Variants in CNOT4 observed in about 807,000 individuals in gnomAD.
The protein encoded by CNOT4 is CCR4-NOT transcription complex subunit 4.
In CNOT4, 8 loss-of-function variants were observed where a neutral mutation model predicts 73.8. That is an observed-to-expected ratio of 0.11 (90% confidence interval 0.06 to 0.20). CNOT4 has a LOEUF of 0.20. CNOT4 is among the 10% of genes least tolerant of loss of function. The pLI is 1.00. For synonymous variants in CNOT4, 293 were observed against 321.1 expected, an observed-to-expected ratio of 0.91 and a Z score of 0.94; for missense variants, 564 against 883.4, an observed-to-expected ratio of 0.64 and a Z score of 4.58.
chr7:135,365,678 A>G (rs1794874798), intron 10 of CNOT4, among the ~76,000 whole-genome samples: 1 of 152,216 alleles, frequency 6.6e-6, no homozygotes, highest in African/African-American at 2.4e-5. Flanking sequence ...CAAATATTAA[A>G]GGGAAAGCCC....
intron 5 of CNOT4, among the ~76,000 whole-genome samples, chr7:135,414,096 C>T (rs575626979): frequency 4.6e-5 from 7 of 151,826 alleles, no homozygotes; most frequent in South Asian, 2.1e-4. Context: ...TGTAAAAATG[C>T]GATATTTTAA....
chr7:135,431,145 G>C (rs1798808743), intron 2 of CNOT4, among the ~76,000 whole-genome samples: 1 of 152,096 alleles, frequency 6.6e-6, no homozygotes. Context: ...CATGCCTATA[G>C]TCCCACCTAT....
At chr7:135,426,615 A>AAG (rs1798517762) in intron 2 of CNOT4, among the ~76,000 whole-genome samples, 1 of 150,838 alleles carries the variant, frequency 6.6e-6, no homozygotes, top group Admixed American at 6.6e-5. Flanking sequence ...AAAAAAAAAA[A>AAG]AAAGAAAGAA....
At chr7:135,389,746 CAAT>C (rs1490708208) in intron 10 of CNOT4, among the ~76,000 whole-genome samples, 1 of 151,996 alleles carries the variant, frequency 6.6e-6, no homozygotes, top group Non-Finnish European at 1.5e-5. Flanking sequence ...CTTGAAACAA[CAAT>C]GCTTACTGAC....
chr7:135,364,177 T>A lies in CNOT4; in HGVS notation c.1628-111A>T, dbSNP rs1454233919. On this transcript the variant is annotated intron_variant, in intron 10 of 11. Transcript: ENST00000541284. The surrounding 1 kb of genome is among the most constrained non-coding windows in gnomAD (Gnocchi z 4.3). Reference sequence around the variant, plus strand: ...CGGGAGAAGAATTATTCTTTCTTTATTGAGCATTTAAAATGGGTTGTCCTA... The same window carrying A: ...CGGGAGAAGAATTATTCTTTCTTTAATGAGCATTTAAAATGGGTTGTCCTA... 1 of 868,460 alleles carries A rather than the reference T, an allele frequency of 1.2e-6. No individual in the cohort carries two copies. The highest frequency in any genetic ancestry group is 1.7e-5 in the African/African-American group (1 of 59,378). The allele number at this position is 868,460 out of a possible 1,614,324, so 53.8% of individuals were successfully genotyped here.
At chr7:135,509,026 G>C (rs1563091202) in intron 1 of CNOT4, 1 of 152,176 alleles carries the variant, frequency 6.6e-6, no homozygotes, top group Non-Finnish European at 1.5e-5. Context: ...CTCCGGAGTA[G>C]CCTGAATAAA....
intron 1 of CNOT4, among the ~76,000 whole-genome samples, chr7:135,444,140 C>CAAA (rs932168437): frequency 9.4e-5 from 13 of 137,604 alleles, no homozygotes; most frequent in African/African-American, 1.6e-4. Context: ...AACCCTGTTT[C>CAAA]AAAAAATAAT....
rs150421620 is a variant in CNOT4, at chr7:135,453,987, T to C, written c.-92-15564A>G. 8.4e-3 allele frequency among the ~76,000 whole-genome samples: 1,131 copies of C among 133,990 alleles called. 17 individuals carry two copies. The highest frequency in any genetic ancestry group is 0.03 in the African/African-American group (1,074 of 36,122). 87.9% of individuals were successfully genotyped at this position (133,990 alleles called of 152,430 possible). A position where few individuals can be genotyped will look rare whatever the true frequency, so the allele number is the denominator to read the frequency against. On this transcript the variant is annotated intron_variant, in intron 1 of 11. Transcript: ENST00000541284. ...ACCCTATCTCTATAAAAAATATATATACATATATATATATATATATATTTG... is the reference window on the plus strand; with the variant it reads ...ACCCTATCTCTATAAAAAATATATACACATATATATATATATATATATTTG...
chr7:135,468,256 A>T (rs1801349840), intron 1 of CNOT4, among the ~76,000 whole-genome samples: 1 of 151,988 alleles, frequency 6.6e-6, no homozygotes. Context: ...ATAAATAAAT[A>T]AAATATTATT....
At chr7:135,470,840 A>T (rs1349819163) in intron 1 of CNOT4, among the ~76,000 whole-genome samples, 2 of 152,192 alleles carry the variant, frequency 1.3e-5, no homozygotes, top group Non-Finnish European at 1.5e-5. Context: ...ATTGAGTAGG[A>T]AGGAGTATGA....
intron 1 of CNOT4, among the ~76,000 whole-genome samples, chr7:135,440,694 G>A (rs1799424173): frequency 6.6e-6 from 1 of 152,176 alleles, no homozygotes; most frequent in South Asian, 2.1e-4. Flanking sequence ...GGCCGAGGCA[G>A]GTGAATCACG....
At chr7:135,483,741 T>C (rs1360902229) in intron 1 of CNOT4, among the ~76,000 whole-genome samples, 2 of 151,958 alleles carry the variant, frequency 1.3e-5, no homozygotes, top group Non-Finnish European at 2.9e-5. Flanking sequence ...GGAGGATCAC[T>C]TAAGGTTGAG....
chr7:135,473,474 G>A (rs1196065320), intron 1 of CNOT4, among the ~76,000 whole-genome samples: 11 of 152,234 alleles, frequency 7.2e-5, no homozygotes, highest in South Asian at 2.1e-4. Context: ...TAGGCCTGGC[G>A]TGGTGGCTCA....
chr7:135,488,902 G>C (rs1004266854), intron 1 of CNOT4, among the ~76,000 whole-genome samples: 2 of 151,976 alleles, frequency 1.3e-5, no homozygotes, highest in African/African-American at 2.4e-5. Context: ...ACTACCATGG[G>C]TAAGGTATGG....
chr7:135,462,410 A>C (rs1800931678), intron 1 of CNOT4, among the ~76,000 whole-genome samples: 1 of 152,174 alleles, frequency 6.6e-6, no homozygotes, highest in Admixed American at 6.5e-5. Flanking sequence ...TCCACTTTAC[A>C]GTCATCCCAT....
intron 1 of CNOT4, among the ~76,000 whole-genome samples, chr7:135,453,705 A>T (rs973192844): frequency 3.1e-4 from 46 of 148,078 alleles, no homozygotes; most frequent in Non-Finnish European, 5.9e-5. Flanking sequence ...AAGCTTATGT[A>T]TGAGTATTTT....
At chr7:135,414,746 TA>T (rs1241748133) in intron 4 of CNOT4, among the ~76,000 whole-genome samples, 1 of 152,008 alleles carries the variant, frequency 6.6e-6, no homozygotes, top group South Asian at 2.1e-4. Flanking sequence ...AAATTTAGAT[TA>T]AAAAATAAGA....
chr7:135,471,827 G>A (rs962115062), intron 1 of CNOT4, among the ~76,000 whole-genome samples: 2 of 152,188 alleles, frequency 1.3e-5, no homozygotes, highest in Admixed American at 6.5e-5. Flanking sequence ...GTGTTCCTAT[G>A]CCTAGCGGAG....
At chr7:135,466,475 C>CAAA (rs199824747) in intron 1 of CNOT4, among the ~76,000 whole-genome samples, 1 of 83,472 alleles carries the variant, frequency 1.2e-5, no homozygotes, top group African/African-American at 3.9e-5. Flanking sequence ...AAGACTGTCT[C>CAAA]AAAAAAAAAA....
Sources: gnomAD v4.1 joint callset for allele counts (sites outside exome capture counted in the v4.1 genomes callset) on GRCh38, gnomAD v4.1.1 for gene constraint, Gnocchi (gnomAD v3.1) non-coding constraint, MANE v1.5 for transcripts, NCBI Gene and HGNC (gene_info 2026-07-23, HGNC 2026-07-21) for gene names.